Variants in ZNF469 observed in about 807,000 individuals in gnomAD.
ZNF469 encodes the protein zinc finger protein 469.
ZNF469 carries 1 observed loss-of-function variant against 1.0 expected under a neutral mutation model. The ratio of observed to expected loss-of-function variants is 1.00; its 90% confidence interval spans 0.35 to 4.73. ZNF469 has a LOEUF of 4.73. ZNF469 is among the 30% of genes most tolerant of loss of function. The pLI is 0.16. For missense variants in ZNF469, 6,100 were observed against 5,356.3 expected (o/e 1.14, Z -4.33); for synonymous variants, 2,703 against 2,363.4 (o/e 1.14, Z -4.17).
chr16:88,431,029 G>A lies in ZNF469; in HGVS notation c.3559G>A (p.Gly1187Arg). 6.5e-7 allele frequency: 1 copy of A among 1,545,976 alleles called. No individual in the cohort carries two copies. The highest frequency in any genetic ancestry group is 1.7e-4 in the Middle Eastern group (1 of 5,982). Residue 1187 changes from glycine to arginine, a missense_variant, in exon 3 of 3, where the codon GGA (glycine) becomes AGA (arginine). Physicochemically the swap from Gly to Arg is moderately radical, Grantham distance 125. Transcript: ENST00000565624. The stretch of plus-strand genomic sequence containing the variant: ...GGAGACGGGAGCGGCCGCCAGGGAG[G>A]GAGGCCCCAAGTGTGCTGATCGCCC... ...SLETGAAAREGGPKCADRPSV... is the reference protein window; with the variant it reads ...SLETGAAARERGPKCADRPSV...
chr16:88,126,138 G>A, the ZNF469 span, among the ~76,000 whole-genome samples: 563 of 142,038 alleles, frequency 4.0e-3, 3 homozygotes, highest in Middle Eastern at 0.015. Context: ...GCAGTGAGCC[G>A]AGATTGCACC....
the ZNF469 span, among the ~76,000 whole-genome samples, chr16:88,285,810 ACC>A: frequency 2.0e-5 from 3 of 152,110 alleles, no homozygotes; most frequent in Admixed American, 1.3e-4. Context: ...TTCCCAGGCC[ACC>A]CTCGTCACAG....
rs1808064900 is a variant in ZNF469, at chr16:88,430,432, G to A, written c.2962G>A (p.Glu988Lys). ...GCCCCGGAGGAACGACGGTCTCGGG[G>A]AGCGGCCCCCACCCCGTCCCCGGCG... ...LRPRRNDGLG[E>K]RPPPRPRRPR... Residue 988 changes from glutamate (E) to lysine (K), a missense_variant, in exon 3 of 3, where the codon GAG becomes AAG. Physicochemically the swap from Glu to Lys is moderately conservative, Grantham distance 56. Transcript: ENST00000565624. 1 of 1,518,172 alleles carries A rather than the reference G, an allele frequency of 6.6e-7. No homozygotes were observed. Among genetic ancestry groups the A allele is most frequent in the African/African-American group, 1.4e-5 (1 of 72,178 alleles). The allele number at this position is 1,518,172 out of a possible 1,614,324, so 94.0% of individuals were successfully genotyped here. A position where few individuals can be genotyped will look rare whatever the true frequency, so the allele number is the denominator to read the frequency against.
At chr16:88,349,365 T>TCA in the ZNF469 span, among the ~76,000 whole-genome samples, 46 of 147,574 alleles carry the variant, frequency 3.1e-4, no homozygotes, top group Admixed American at 1.1e-3. Context: ...TACACACATA[T>TCA]CACACACACA....
chr16:88,263,035 C>A, the ZNF469 span, among the ~76,000 whole-genome samples: 4 of 152,266 alleles, frequency 2.6e-5, no homozygotes, highest in South Asian at 2.1e-4. Context: ...GAGAAGCAGA[C>A]CTGTGAAAAT....
At chr16:88,220,230 C>G in the ZNF469 span, among the ~76,000 whole-genome samples, 305 of 152,236 alleles carry the variant, frequency 2.0e-3, 1 homozygote, top group African/African-American at 7.1e-3. Flanking sequence ...CTACTGGGGT[C>G]CTGAAGCAGA....
At chr16:88,126,188 CAAAAAAA>C in the ZNF469 span, among the ~76,000 whole-genome samples, 8 of 59,056 alleles carry the variant, frequency 1.4e-4, no homozygotes, top group African/African-American at 2.0e-4. Flanking sequence ...GACTCCATCC[CAAAAAAA>C]AAAAAAAAAA....
the ZNF469 span, among the ~76,000 whole-genome samples, chr16:88,357,173 G>A: frequency 1.3e-5 from 2 of 152,348 alleles, no homozygotes; most frequent in East Asian, 3.9e-4. Flanking sequence ...TGCTCCTTCT[G>A]GGACGATGAC....
chr16:88,127,593 G>T, the ZNF469 span, among the ~76,000 whole-genome samples: 1 of 152,200 alleles, frequency 6.6e-6, no homozygotes, highest in South Asian at 2.1e-4. Flanking sequence ...GAAACCATTT[G>T]TTGAGAGTGG....
chr16:88,108,152 G>GA, the ZNF469 span, among the ~76,000 whole-genome samples: 3 of 109,462 alleles, frequency 2.7e-5, no homozygotes, highest in East Asian at 4.1e-4. Flanking sequence ...TGTGGGGATG[G>GA]GGGTCCACGT....
At chr16:88,380,343 TCA>T (rs751301288), upstream of ZNF469, among the ~76,000 whole-genome samples, 365 of 60,898 alleles carry the variant, frequency 6.0e-3, 40 homozygotes, top group African/African-American at 0.024. Flanking sequence ...ACACATGCGC[TCA>T]CACACATGCG....
chr16:88,431,271 G>A lies in ZNF469; in HGVS notation c.3801G>A (p.Gln1267=). The part of the protein sequence containing the change: ...GASPGLLIPE[Q]PPPSRHDTGT... Reference sequence around the variant, plus strand: ...GCCCCGGTCTCCTGATACCAGAGCAGCCGCCGCCCAGCAGACATGACACCG... The same window carrying A: ...GCCCCGGTCTCCTGATACCAGAGCAACCGCCGCCCAGCAGACATGACACCG... The change falls in exon 3 of 3, where the codon CAG becomes CAA. Residue 1267 remains glutamine, a synonymous_variant. Coordinates refer to ENST00000565624, the MANE Select transcript of ZNF469 (RefSeq NM_001367624.2). The A allele has an allele frequency of 6.5e-7, 1 of 1,550,320 alleles. No individual in the cohort carries two copies. The highest frequency in any genetic ancestry group is 8.7e-7 in the Non-Finnish European group (1 of 1,146,972).
At chr16:88,393,633 T>A (rs1233566261) in intron 1 of ZNF469, among the ~76,000 whole-genome samples, 2 of 151,988 alleles carry the variant, frequency 1.3e-5, no homozygotes, top group East Asian at 1.9e-4. Flanking sequence ...CGGGTGGGGG[T>A]CAGCCCTGGA....
chr16:88,286,355 A>T, the ZNF469 span, among the ~76,000 whole-genome samples: 17 of 152,236 alleles, frequency 1.1e-4, no homozygotes, highest in Non-Finnish European at 2.2e-4. Context: ...ATCTGCCGTT[A>T]TACTCAGGTG....
chr16:88,305,238 G>A, the ZNF469 span, among the ~76,000 whole-genome samples: 5 of 149,510 alleles, frequency 3.3e-5, no homozygotes, highest in South Asian at 2.1e-4. Flanking sequence ...GCACACACAC[G>A]CTCACAGGCA....
the ZNF469 span, among the ~76,000 whole-genome samples, chr16:88,353,432 C>T: frequency 6.6e-6 from 1 of 152,168 alleles, no homozygotes; most frequent in African/African-American, 2.4e-5. Context: ...CTCAGTCCCA[C>T]CCAGCTTCCC....
chr16:88,286,087 C>A, the ZNF469 span, among the ~76,000 whole-genome samples: 1 of 152,224 alleles, frequency 6.6e-6, no homozygotes, highest in Non-Finnish European at 1.5e-5. Flanking sequence ...CCATCGTGCC[C>A]CATTGCTGGG....
the ZNF469 span, among the ~76,000 whole-genome samples, chr16:88,277,016 C>T: frequency 8.5e-5 from 13 of 152,142 alleles, no homozygotes; most frequent in African/African-American, 1.7e-4. Context: ...TGCTGTGCCA[C>T]GCTGACGCTT....
chr16:88,175,598 T>G, the ZNF469 span, among the ~76,000 whole-genome samples: 1 of 152,256 alleles, frequency 6.6e-6, no homozygotes, highest in South Asian at 2.1e-4. Context: ...TAACTCATGT[T>G]TCAAAGAAGA....
Sources: allele counts gnomAD v4.1 joint callset (sites outside exome capture counted in the v4.1 genomes callset), GRCh38; gene constraint gnomAD v4.1.1; transcripts MANE v1.5; gene names NCBI Gene and HGNC (gene_info 2026-07-23, HGNC 2026-07-21).